CD226: variants seen among roughly 807,000 people sequenced by gnomAD.
CD226 encodes CD226 molecule.
In CD226, 24 loss-of-function variants were observed where a neutral mutation model predicts 34.9. That is an observed-to-expected ratio of 0.69 (90% confidence interval 0.50 to 0.97). The LOEUF is 0.97. Ranked by LOEUF, CD226 falls within the 50% of genes least tolerant of loss-of-function variation. The pLI is 0.00. For missense variants in CD226, 397 were observed against 412.7 expected (o/e 0.96, Z 0.33); for synonymous variants, 148 against 147.4 (o/e 1.00, Z -0.03).
At position 69,941,103 on chromosome 18, in the gene CD226, C is replaced by G. The variant is rs368878242; in HGVS notation, c.382+5631G>C. 2.0e-4 allele frequency among the ~76,000 whole-genome samples: 31 copies of G among 152,372 alleles called. 1 individual carries two copies. The highest frequency in any genetic ancestry group is 5.5e-4 in the African/African-American group (23 of 41,588). On this transcript the variant is annotated intron_variant, in intron 2 of 5. Coordinates refer to ENST00000582621, the MANE Select transcript of CD226 (RefSeq NM_001303618.2). ...CCTGCGGGTGCACAGAAGTCAAGAA[C>G]TGTGGTTTGAGAACCTCTGCCTAGA... is the stretch of plus-strand genomic sequence containing the variant.
chr18:69,877,183 G>A (rs979976749), intron 3 of CD226, among the ~76,000 whole-genome samples: 2 of 152,132 alleles, frequency 1.3e-5, no homozygotes, highest in African/African-American at 4.8e-5. Context: ...TAGAACTTCG[G>A]ACCAATGGGC....
chr18:69,914,600 T>C (rs777113587), intron 2 of CD226, among the ~76,000 whole-genome samples: 9 of 152,198 alleles, frequency 5.9e-5, no homozygotes, highest in Non-Finnish European at 8.8e-5. Context: ...ACTAGACTTT[T>C]GGCCCTCCTT....
chr18:69,860,818 G>A lies in CD226; in HGVS notation c.*3496C>T, dbSNP rs533409041. On this transcript the variant is annotated 3_prime_UTR_variant, in exon 6 of 6. Coordinates refer to ENST00000582621, the MANE Select transcript of CD226 (RefSeq NM_001303618.2). The stretch of plus-strand genomic sequence containing the variant: ...TTTTTAAAGATATTTTCTTATCACT[G>A]TTGTGAAAAAGAAACTTTGTACTCA... The A allele has an allele frequency of 6.6e-6, 1 of 152,184 alleles. No homozygotes were observed. Among genetic ancestry groups the A allele is most frequent in the South Asian group, 2.1e-4 (1 of 4,822 alleles). 9.4% of individuals were successfully genotyped at this position (152,184 alleles called of 1,614,324 possible).
At chr18:69,913,053 G>A (rs1369432433) in intron 2 of CD226, among the ~76,000 whole-genome samples, 1 of 152,096 alleles carries the variant, frequency 6.6e-6, no homozygotes, top group African/African-American at 2.4e-5. Flanking sequence ...TATGAATAGG[G>A]ACAATAGAAA....
At chr18:69,895,285 A>G (rs910268239) in intron 3 of CD226, among the ~76,000 whole-genome samples, 1 of 152,218 alleles carries the variant, frequency 6.6e-6, no homozygotes, top group Non-Finnish European at 1.5e-5. Flanking sequence ...GCCCTGCTTC[A>G]GCCATATCAA....
upstream of CD226, among the ~76,000 whole-genome samples, chr18:69,957,350 C>CTTTTTT (rs11373057): frequency 6.7e-6 from 1 of 149,454 alleles, no homozygotes; most frequent in Non-Finnish European, 1.5e-5. Flanking sequence ...TCTAGATACT[C>CTTTTTT]TTTTTTTTTT....
At chr18:69,894,228 A>C (rs1192384768) in intron 3 of CD226, among the ~76,000 whole-genome samples, 4 of 149,586 alleles carry the variant, frequency 2.7e-5, no homozygotes, top group African/African-American at 5.0e-5. Flanking sequence ...AAATAAAAAA[A>C]AAATCACTTT....
At chr18:69,939,729 T>G (rs953453003) in intron 2 of CD226, among the ~76,000 whole-genome samples, 3 of 152,210 alleles carry the variant, frequency 2.0e-5, no homozygotes, top group Non-Finnish European at 1.5e-5. Flanking sequence ...TGTTTTGGGA[T>G]GAGATTAACA....
In CD226 at chr18:69,862,503, T is replaced by TA. The variant is rs1327044355; in HGVS notation, c.*1810dup. On this transcript the variant is annotated 3_prime_UTR_variant, in exon 6 of 6. Coordinates refer to ENST00000582621, the MANE Select transcript of CD226 (RefSeq NM_001303618.2). ...TGGAAACATTTCATGAATCCAGGTA[T>TA]AAAAAGATCTTTAAGCAAACATAAT... 1 of 152,158 alleles carries TA rather than the reference T, an allele frequency of 6.6e-6. No individual in the cohort carries two copies. The allele number at this position is 152,158 out of a possible 1,614,324, so 9.4% of individuals were successfully genotyped here. A position where few individuals can be genotyped will look rare whatever the true frequency, so the allele number is the denominator to read the frequency against.
intron 2 of CD226, among the ~76,000 whole-genome samples, chr18:69,917,351 T>A (rs1599006770): frequency 1.3e-5 from 2 of 152,086 alleles, no homozygotes; most frequent in Admixed American, 6.6e-5. Flanking sequence ...ATACACTCCA[T>A]CTCACGTCTG....
intron 2 of CD226, among the ~76,000 whole-genome samples, chr18:69,896,510 GT>G (rs895945679): frequency 1.3e-5 from 2 of 151,926 alleles, no homozygotes; most frequent in African/African-American, 2.4e-5. Context: ...AAGAGAAAGG[GT>G]TTTTTTTGTT....
intron 1 of CD226, among the ~76,000 whole-genome samples, chr18:69,953,015 C>T (rs2055866767): frequency 6.6e-6 from 1 of 152,196 alleles, no homozygotes; most frequent in Non-Finnish European, 1.5e-5. Context: ...AATGAGAACT[C>T]ACTTTATATC....
At chr18:69,896,181 C>CAT in intron 2 of CD226, 136 bp from the exon 3 acceptor site, 2 of 1,206,300 alleles carry the variant, frequency 1.7e-6, no homozygotes, top group Non-Finnish European at 2.1e-6. Flanking sequence ...CTTTATACTA[C>CAT]TTTTTTTTTT....
At chr18:69,910,524 G>A (rs1253173651) in intron 2 of CD226, among the ~76,000 whole-genome samples, 4 of 152,228 alleles carry the variant, frequency 2.6e-5, no homozygotes, top group Non-Finnish European at 5.9e-5. Flanking sequence ...AGCAAGGAGA[G>A]ATAGAAACTG....
chr18:69,894,337 C>T (rs532095849), intron 3 of CD226, among the ~76,000 whole-genome samples: 2 of 76,760 alleles, frequency 2.6e-5, no homozygotes, highest in Non-Finnish European at 4.9e-5. Flanking sequence ...GCCTAATACA[C>T]AAATAGTGCA....
chr18:69,955,261 T>C (rs1364713177), intron 1 of CD226, among the ~76,000 whole-genome samples: 1 of 152,212 alleles, frequency 6.6e-6, no homozygotes, highest in Non-Finnish European at 1.5e-5. Flanking sequence ...TCTCTATGGT[T>C]TCTGAGCATT....
chr18:69,932,148 C>T lies in CD226; in HGVS notation c.382+14586G>A, dbSNP rs541031353. On this transcript the variant is annotated intron_variant, in intron 2 of 5. Coordinates refer to ENST00000582621, the MANE Select transcript of CD226 (RefSeq NM_001303618.2). ...TCTGAGATATCAGGAGTTGCAACTT[C>T]ACCAAATAAACTTGGGGACACAATT... Among the ~76,000 whole-genome samples, 11 of 152,302 alleles carry T rather than the reference C, an allele frequency of 7.2e-5. No homozygotes were observed. In the South Asian group the frequency reaches 2.3e-3, roughly 32 times the overall value.
At chr18:69,937,043 T>C (rs1323683306) in intron 2 of CD226, among the ~76,000 whole-genome samples, 1 of 152,200 alleles carries the variant, frequency 6.6e-6, no homozygotes, top group Non-Finnish European at 1.5e-5. Context: ...CTTCTGAATT[T>C]GGGATAGGCA....
chr18:69,936,703 AAG>A, intron 2 of CD226, among the ~76,000 whole-genome samples: 1 of 152,222 alleles, frequency 6.6e-6, no homozygotes. Flanking sequence ...AATGGGCCTG[AAG>A]AGAGAGCTTA....
Sources: allele counts gnomAD v4.1 joint callset (sites outside exome capture counted in the v4.1 genomes callset), GRCh38; gene constraint gnomAD v4.1.1; transcripts MANE v1.5; gene names NCBI Gene and HGNC (gene_info 2026-07-23, HGNC 2026-07-21).